Variants in USH2A observed in about 807,000 individuals in gnomAD.
The protein encoded by USH2A is Usher syndrome 2A (autosomal recessive, mild).
In USH2A, 443 loss-of-function variants were observed where a neutral mutation model predicts 538.9. That is an observed-to-expected ratio of 0.82 (90% CI 0.76 to 0.89). The LOEUF (loss-of-function observed/expected upper bound fraction) is 0.89. Among genes scored for constraint, USH2A ranks in the 40% least tolerant of loss-of-function variants. USH2A has a pLI of 0.00. For synonymous variants in USH2A, 2,413 were observed against 2,273.5 expected (o/e 1.06, Z -1.75); for missense variants, 6,633 against 6,324.8 (o/e 1.05, Z -1.65).
At chr1:216,253,656 T>C (rs1461197883) in intron 11 of USH2A, among the ~76,000 whole-genome samples, 1 of 152,192 alleles carries the variant, frequency 6.6e-6, no homozygotes, top group African/African-American at 2.4e-5. Flanking sequence ...TTCTTCCATT[T>C]TGAAGTCTTT....
Position 215,877,879 on chromosome 1 carries a change from A to T in USH2A, c.8560T>A (p.Tyr2854Asn). ...PSKPNGPNLR[Y>N]ELLRRKIQQP... ...TGGATTTTACGTCTCAGAAGCTCATATCTAAAGCAAAAGACAAGCAGGAAC... is the reference window on the plus strand; with the variant it reads ...TGGATTTTACGTCTCAGAAGCTCATTTCTAAAGCAAAAGACAAGCAGGAAC... The change falls in exon 43 of 72, where the codon TAT (tyrosine) becomes AAT (asparagine). Residue 2854 changes from tyrosine (Y) to asparagine (N), a missense_variant and splice_region_variant. By Grantham distance (143) the Tyr-to-Asn change is moderately radical (BLOSUM62 -2). Transcript: ENST00000307340. The T allele has an allele frequency of 3.7e-6, 6 of 1,613,688 alleles. No homozygotes were observed. Among genetic ancestry groups the T allele is most frequent in the Non-Finnish European group, 5.1e-6 (6 of 1,179,650 alleles).
chr1:216,051,772 G>A (rs2030792274), intron 30 of USH2A, among the ~76,000 whole-genome samples: 1 of 152,204 alleles, frequency 6.6e-6, no homozygotes, highest in African/African-American at 2.4e-5. Context: ...TCATTAGCAT[G>A]AAGATGTGTT....
intron 21 of USH2A, among the ~76,000 whole-genome samples, chr1:216,132,581 C>T (rs2033398663): frequency 6.6e-6 from 1 of 152,018 alleles, no homozygotes; most frequent in South Asian, 2.1e-4. Flanking sequence ...CACACTTAGC[C>T]ATCAAGATAA....
chr1:216,217,505 G>A lies in USH2A; in HGVS notation c.3039C>T (p.Thr1013=), dbSNP rs765472781. The A allele has an allele frequency of 1.2e-6, 2 of 1,613,234 alleles. No homozygotes were observed. The highest frequency in any genetic ancestry group is 1.1e-5 in the South Asian group (1 of 91,062). Residue 1013 remains threonine (T), a synonymous_variant, in exon 15 of 72, where the codon ACC becomes ACT. Coordinates refer to ENST00000307340, the MANE Select transcript of USH2A (RefSeq NM_206933.4). ...AACACTGGCCTGTGACCAAGTGACA[G>A]GTTTCATTCAAGGCTCCTGAGAGAT... is the stretch of plus-strand genomic sequence containing the variant. The part of the protein sequence containing the change: ...NCHLSGALNE[T]CHLVTGQCFC...
At chr1:215,974,179 G>A (rs953130461) in intron 35 of USH2A, among the ~76,000 whole-genome samples, 2 of 151,862 alleles carry the variant, frequency 1.3e-5, no homozygotes, top group Middle Eastern at 3.2e-3. Flanking sequence ...TTTAATAAGC[G>A]GTAAGTCTAA....
intron 48 of USH2A, 98 bp from the exon 49 acceptor site, chr1:215,814,002 G>C (rs1662781128): frequency 3.8e-6 from 5 of 1,311,954 alleles, no homozygotes; most frequent in Non-Finnish European, 5.4e-6. Flanking sequence ...GTAAGGCATA[G>C]AAGATCTGAG....
intron 60 of USH2A, among the ~76,000 whole-genome samples, chr1:215,729,260 C>A (rs1225551146): frequency 6.6e-6 from 1 of 152,176 alleles, no homozygotes; most frequent in Non-Finnish European, 1.5e-5. Flanking sequence ...TTCTCTCATG[C>A]AGCACAATGC....
rs918010707 is a variant in USH2A, at chr1:215,786,814, T to A, written c.10243A>T (p.Arg3415Trp). 1.9e-6 allele frequency: 3 copies of A among 1,613,768 alleles called. No homozygotes were observed. In the African/African-American group the frequency reaches 4.0e-5, roughly 22 times the overall value. ...TGGCTGGTAAAGTTGAAGTCACACC[T>A]GCCACAATGTTCTGTGGCTTCCATA... ...ASMEATEHCG[R>W]CDFNFTSHIC... Residue 3415 changes from arginine to tryptophan, a missense_variant, in exon 52 of 72, where the codon AGG (arginine) becomes TGG (tryptophan). By Grantham distance (101) the Arg-to-Trp change is moderately radical. Coordinates refer to ENST00000307340, the MANE Select transcript of USH2A (RefSeq NM_206933.4).
intron 21 of USH2A, among the ~76,000 whole-genome samples, chr1:216,132,171 C>A (rs1192428604): frequency 6.6e-6 from 1 of 152,062 alleles, no homozygotes; most frequent in Admixed American, 6.6e-5. Context: ...AGAGAAGAGG[C>A]ATTACCTTAC....
chr1:215,770,833 G>A (rs6699919), intron 55 of USH2A, among the ~76,000 whole-genome samples: 200 of 151,518 alleles, frequency 1.3e-3, no homozygotes, highest in African/African-American at 4.6e-3. Context: ...CCGGTGGTAC[G>A]GTGGCTCATG....
chr1:216,077,980 G>T, intron 27 of USH2A, 109 bp downstream of exon 27: 1 of 1,334,288 alleles, frequency 7.5e-7, no homozygotes, highest in Non-Finnish European at 1.1e-6. Context: ...GATGCTGTTG[G>T]GTGCTGCTTT....
chr1:216,073,498 G>A (rs2031636713), intron 27 of USH2A, among the ~76,000 whole-genome samples, 198 bp from the exon 28 acceptor site: 1 of 152,084 alleles, frequency 6.6e-6, no homozygotes, highest in Non-Finnish European at 1.5e-5. Context: ...ATATAGTTCT[G>A]TTATTTGGAA....
At chr1:216,262,901 A>G (rs529199585) in intron 11 of USH2A, among the ~76,000 whole-genome samples, 5 of 152,136 alleles carry the variant, frequency 3.3e-5, no homozygotes, top group Non-Finnish European at 7.4e-5. Flanking sequence ...AGACTGAGAA[A>G]AAAAGAAAAA....
At chr1:215,922,957 A>T (rs1275288977) in intron 38 of USH2A, among the ~76,000 whole-genome samples, 1 of 152,088 alleles carries the variant, frequency 6.6e-6, no homozygotes, top group Non-Finnish European at 1.5e-5. Context: ...AGTGGCTCTG[A>T]GGAGACCCTT....
intron 2 of USH2A, among the ~76,000 whole-genome samples, chr1:216,420,842 A>T (rs1377782578): frequency 6.6e-6 from 1 of 152,180 alleles, no homozygotes; most frequent in East Asian, 1.9e-4. Context: ...AAACAAAATG[A>T]AGACATGCCA....
intron 3 of USH2A, among the ~76,000 whole-genome samples, chr1:216,392,971 C>T (rs1233412656): frequency 6.6e-6 from 1 of 152,126 alleles, no homozygotes; most frequent in Admixed American, 6.5e-5. Context: ...AGGATAGACA[C>T]CATGGCTTTA....
At chr1:216,106,569 C>A (rs181526308) in intron 21 of USH2A, among the ~76,000 whole-genome samples, 1 of 150,846 alleles carries the variant, frequency 6.6e-6, no homozygotes, top group Non-Finnish European at 1.5e-5. Context: ...TCTCTCTCCC[C>A]CCTCCTTCTC....
intron 9 of USH2A, among the ~76,000 whole-genome samples, chr1:216,304,225 A>T (rs2037271257): frequency 6.6e-6 from 1 of 152,038 alleles, no homozygotes; most frequent in Non-Finnish European, 1.5e-5. Context: ...TTCCACAAGG[A>T]ATACATTTGA....
At chr1:216,153,719 G>GA (rs377312331) in intron 21 of USH2A, among the ~76,000 whole-genome samples, 338 of 152,008 alleles carry the variant, frequency 2.2e-3, no homozygotes, top group African/African-American at 7.7e-3. Flanking sequence ...GATATAAGGG[G>GA]AAAAAAACCC....
Sources: gnomAD v4.1 joint callset for allele counts (sites outside exome capture counted in the v4.1 genomes callset) on GRCh38, gnomAD v4.1.1 for gene constraint, MANE v1.5 for transcripts, NCBI Gene and HGNC (gene_info 2026-07-23, HGNC 2026-07-21) for gene names.